The following MCMDC2 variants were observed in gnomAD, a reference collection of about 807,000 sequenced individuals.
MCMDC2 encodes the protein minichromosome maintenance domain-containing protein 2.
Under a neutral mutation model 75.8 loss-of-function variants are expected in MCMDC2, and 54 were observed. That is an observed-to-expected ratio of 0.71 (90% confidence interval 0.57 to 0.89). The LOEUF (loss-of-function observed/expected upper bound fraction) is 0.89, where lower values mean the gene tolerates loss of function less well. Among genes scored for constraint, MCMDC2 ranks in the 40% least tolerant of loss-of-function variants. MCMDC2 has a pLI of 0.00. For synonymous variants in MCMDC2, 249 were observed against 274.6 expected (o/e 0.91, Z 0.92); for missense variants, 656 against 780.4 (o/e 0.84, Z 1.90).
chr8:66,877,539 C>G lies in MCMDC2; in HGVS notation c.476C>G (p.Ser159Ter). 1 of 1,594,956 alleles carries G rather than the reference C, an allele frequency of 6.3e-7. No homozygotes were observed. Among genetic ancestry groups the G allele is most frequent in the Non-Finnish European group, 8.5e-7 (1 of 1,173,696 alleles). Residue 159 changes from serine to a stop codon, truncating the protein, a stop_gained, in exon 5 of 15, where the codon TCA becomes TGA. Coordinates refer to ENST00000422365, the MANE Select transcript of MCMDC2 (RefSeq NM_173518.5). LOFTEE classifies it high-confidence loss of function. ...FLCSDEACPL[S>*]KGFQYIRVHV... ...TGTTCAGATGAAGCATGCCCTCTTT[C>G]AAAAGGTAAATGTTAAATAGGAAAA...
intron 14 of MCMDC2, among the ~76,000 whole-genome samples, chr8:66,917,109 A>AG (rs1813351823): frequency 6.6e-6 from 1 of 152,220 alleles, no homozygotes; most frequent in South Asian, 2.1e-4. Context: ...GCAGCAAGCT[A>AG]GGCTCTGACT....
At chr8:66,901,155 T>A (rs371532201) in intron 12 of MCMDC2, 51 bp from the exon 13 acceptor site, 1 of 1,366,896 alleles carries the variant, frequency 7.3e-7, no homozygotes, top group Non-Finnish European at 1.0e-6. Context: ...ATTTCTGTTA[T>A]ATTGATTCCA....
At chr8:66,877,951 A>C (rs1219343298) in intron 5 of MCMDC2, among the ~76,000 whole-genome samples, 2 of 152,110 alleles carry the variant, frequency 1.3e-5, no homozygotes, top group Non-Finnish European at 2.9e-5. Flanking sequence ...AATAGAAAAA[A>C]ATTGAATAAA....
At chr8:66,896,145 A>G in intron 10 of MCMDC2, 25 bp from the exon 11 acceptor site, 1 of 1,589,956 alleles carries the variant, frequency 6.3e-7, no homozygotes, top group Non-Finnish European at 8.5e-7. Flanking sequence ...CTTAAATAAC[A>G]AATGGATAAT....
At position 66,874,406 on chromosome 8, in the gene MCMDC2, G is replaced by A; in HGVS notation, c.175G>A (p.Gly59Arg). The change falls in exon 3 of 15, where the codon GGA (glycine) becomes AGA (arginine). Residue 59 changes from glycine to arginine, a missense_variant. By Grantham distance (125) the Gly-to-Arg change is moderately radical. Coordinates refer to ENST00000422365, the MANE Select transcript of MCMDC2 (RefSeq NM_173518.5). ...SDVVELDAEL[G>R]NHILHQPLKA... ...TGTTGTTGAATTAGATGCTGAGCTTGGAAATCACATTTTACACCAACCTTT... is the reference window on the plus strand; with the variant it reads ...TGTTGTTGAATTAGATGCTGAGCTTAGAAATCACATTTTACACCAACCTTT... The A allele has an allele frequency of 6.2e-7, 1 of 1,613,798 alleles. No homozygotes were observed. Among genetic ancestry groups the A allele is most frequent in the Non-Finnish European group, 8.5e-7 (1 of 1,179,922 alleles).
chr8:66,900,559 AATTG>A (rs1180304855), intron 12 of MCMDC2, among the ~76,000 whole-genome samples: 1 of 152,208 alleles, frequency 6.6e-6, no homozygotes, highest in Non-Finnish European at 1.5e-5. Context: ...CAGTTATCTG[AATTG>A]AAAAAACTAG....
chr8:66,895,578 T>C (rs1442847325), intron 10 of MCMDC2, among the ~76,000 whole-genome samples: 1 of 151,654 alleles, frequency 6.6e-6, no homozygotes, highest in Non-Finnish European at 1.5e-5. Flanking sequence ...GGCTAATTTT[T>C]TGTAGTAACA....
intron 8 of MCMDC2, among the ~76,000 whole-genome samples, chr8:66,882,589 C>T (rs974838249): frequency 1.3e-5 from 2 of 152,212 alleles, no homozygotes; most frequent in East Asian, 3.9e-4. Context: ...TGGTCTCAAA[C>T]TCCTGACCTC....
chr8:66,907,606 G>A (rs1812956746), intron 14 of MCMDC2, among the ~76,000 whole-genome samples: 1 of 152,170 alleles, frequency 6.6e-6, no homozygotes, highest in South Asian at 2.1e-4. Context: ...GGATTGCTGG[G>A]TCAAATGGTA....
At chr8:66,889,977 TA>T (rs1373820267) in intron 9 of MCMDC2, among the ~76,000 whole-genome samples, 1 of 151,984 alleles carries the variant, frequency 6.6e-6, no homozygotes, top group Non-Finnish European at 1.5e-5. Context: ...AAGCAATCCA[TA>T]AAAAGAAGAA....
intron 6 of MCMDC2, 46 bp from the exon 7 acceptor site, chr8:66,878,769 G>T: frequency 6.9e-7 from 1 of 1,440,692 alleles, no homozygotes; most frequent in South Asian, 1.3e-5. Context: ...AAATTAAATT[G>T]AATATATATT....
intron 14 of MCMDC2, among the ~76,000 whole-genome samples, chr8:66,916,564 G>A (rs1015943411): frequency 1.3e-5 from 2 of 152,170 alleles, no homozygotes; most frequent in Non-Finnish European, 2.9e-5. Context: ...AGCACAAGAT[G>A]AATGGTTGGG....
rs149199363 is a variant in MCMDC2 at position 66,919,154 on chromosome 8, C to T, written c.2031C>T (p.Phe677=). The part of the protein sequence containing the change: ...IATYGPGTTI[F]SSDE Reference sequence around the variant, plus strand: ...CATATGGACCTGGGACAACTATTTTCTCTAGTGATGAATAAGCAATTTGAG... The same window carrying T: ...CATATGGACCTGGGACAACTATTTTTTCTAGTGATGAATAAGCAATTTGAG... The change falls in exon 15 of 15, where the codon TTC becomes TTT. Residue 677 remains phenylalanine, a synonymous_variant. Transcript: ENST00000422365. 4 of 1,543,122 alleles carry T rather than the reference C, an allele frequency of 2.6e-6. No homozygotes were observed. Among genetic ancestry groups the T allele is most frequent in the Non-Finnish European group, 3.5e-6 (4 of 1,144,462 alleles).
chr8:66,879,388 T>C (rs1811451866), intron 7 of MCMDC2, among the ~76,000 whole-genome samples: 1 of 151,100 alleles, frequency 6.6e-6, no homozygotes, highest in Admixed American at 6.6e-5. Flanking sequence ...AGGTCAGGAG[T>C]TCAAGACCAG....
intron 1 of MCMDC2, among the ~76,000 whole-genome samples, chr8:66,872,973 A>C (rs1811096773): frequency 6.6e-6 from 1 of 151,622 alleles, no homozygotes; most frequent in Admixed American, 6.6e-5. Context: ...AAAAAAAAAA[A>C]AAAAAACAAC....
At chr8:66,901,151 G>C (rs2130846805) in intron 12 of MCMDC2, 55 bp from the exon 13 acceptor site, 1 of 1,335,422 alleles carries the variant, frequency 7.5e-7, no homozygotes, top group Admixed American at 1.8e-5. Flanking sequence ...TTTGATTTCT[G>C]TTATATTGAT....
In MCMDC2 at chr8:66,919,182, ATT is replaced by A. The variant is rs1480594913; in HGVS notation, c.*17_*18del. 2 of 1,531,932 alleles carry A rather than the reference ATT, an allele frequency of 1.3e-6. No individual in the cohort carries two copies. Among genetic ancestry groups the A allele is most frequent in the South Asian group, 2.5e-5 (2 of 79,886 alleles). 94.9% of individuals were successfully genotyped at this position (1,531,932 alleles called of 1,614,324 possible). ...TAGTGATGAATAAGCAATTTGAGGA[ATT>A]TTTGTTCATTCCTACTTAAGCAGTG... On this transcript the variant is annotated 3_prime_UTR_variant, in exon 15 of 15. Transcript: ENST00000422365.
At chr8:66,917,110 G>A (rs1294076306) in intron 14 of MCMDC2, among the ~76,000 whole-genome samples, 6 of 152,210 alleles carry the variant, frequency 3.9e-5, no homozygotes, top group Admixed American at 3.3e-4. Flanking sequence ...CAGCAAGCTA[G>A]GCTCTGACTG....
In MCMDC2 at chr8:66,890,850, AT is replaced by A. The variant is rs746532501; in HGVS notation, c.1074-7del. ...ATTAAATAATAGTAATGAAAAGTTT[AT>A]TTTTTTTCCCTAGGCTTCTGAATTT... is the stretch of plus-strand genomic sequence containing the variant. On this transcript the variant is annotated splice_polypyrimidine_tract_variant and intron_variant, in intron 9 of 14. Transcript: ENST00000422365. 16 of 1,586,096 alleles carry A rather than the reference AT, an allele frequency of 1.0e-5. No homozygotes were observed. Among genetic ancestry groups the A allele is most frequent in the East Asian group, 6.7e-5 (3 of 44,738 alleles).
Sources: allele counts gnomAD v4.1 joint callset (sites outside exome capture counted in the v4.1 genomes callset), GRCh38; gene constraint gnomAD v4.1.1; transcripts MANE v1.5; gene names NCBI Gene and HGNC (gene_info 2026-07-23, HGNC 2026-07-21).